DYNC2H1: variants seen among roughly 807,000 people sequenced by gnomAD.
DYNC2H1 encodes the protein cytoplasmic dynein 2 heavy chain 1.
In DYNC2H1, 410 loss-of-function variants were observed where a neutral mutation model predicts 570.0. The ratio of observed to expected loss-of-function variants is 0.72; its 90% CI spans 0.66 to 0.78. The LOEUF (loss-of-function observed/expected upper bound fraction) is 0.78, where lower values mean the gene tolerates loss of function less well. DYNC2H1 is among the 30% of genes least tolerant of loss of function. The pLI is 0.00. For synonymous variants in DYNC2H1, 1,688 were observed against 1,677.6 expected, an observed-to-expected ratio of 1.01 and a Z score of -0.15; for missense variants, 4,865 against 5,046.4, an observed-to-expected ratio of 0.96 and a Z score of 1.09.
At position 103,446,682 on chromosome 11, in the gene DYNC2H1, T is replaced by C. The variant is rs1345335457; in HGVS notation, c.12457-8504T>C. 6.6e-6 allele frequency among the ~76,000 whole-genome samples: 1 copy of C among 152,056 alleles called. No individual in the cohort carries two copies. Among genetic ancestry groups the C allele is most frequent in the Non-Finnish European group, 1.5e-5 (1 of 68,000 alleles). On this transcript the variant is annotated intron_variant, in intron 85 of 88. Transcript: ENST00000375735. This position sits in a 1 kb window ranked among gnomAD's most constrained non-coding sequence, Gnocchi z 4.5. The stretch of plus-strand genomic sequence containing the variant: ...GAATTTTTTTGGTTTGGTTTTGTTT[T>C]TTAATATAGGGGATTTTTGACCATA...
chr11:103,375,157 G>A (rs542634785), intron 83 of DYNC2H1, among the ~76,000 whole-genome samples: 2 of 152,348 alleles, frequency 1.3e-5, no homozygotes, highest in South Asian at 2.1e-4. Flanking sequence ...CAAGCCTCAA[G>A]CCTTGGCAAC....
At chr11:103,160,339 T>C (rs1850076069) in intron 28 of DYNC2H1, among the ~76,000 whole-genome samples, 1 of 152,244 alleles carries the variant, frequency 6.6e-6, no homozygotes, top group Admixed American at 6.5e-5. Flanking sequence ...GCATTTGGGT[T>C]ATTTCCAGTT....
At chr11:103,331,044 G>C (rs57098887) in intron 82 of DYNC2H1, among the ~76,000 whole-genome samples, 5,730 of 152,258 alleles carry the variant, frequency 0.038, 200 homozygotes, top group African/African-American at 0.091. Context: ...ACCTCTCAGA[G>C]ATGAAATTGC....
At chr11:103,431,807 G>A (rs1452670006) in intron 84 of DYNC2H1, among the ~76,000 whole-genome samples, 2 of 152,092 alleles carry the variant, frequency 1.3e-5, no homozygotes, top group African/African-American at 4.8e-5. Context: ...GGAGAGGTCA[G>A]GTGAATATGG....
intron 70 of DYNC2H1, among the ~76,000 whole-genome samples, chr11:103,260,849 C>A (rs1025203210): frequency 1.3e-5 from 2 of 151,764 alleles, no homozygotes; most frequent in African/African-American, 4.8e-5. Context: ...GAACTCCTGG[C>A]CTCATGTGAT....
chr11:103,214,737 C>G (rs1020275325), intron 54 of DYNC2H1, among the ~76,000 whole-genome samples: 9 of 151,886 alleles, frequency 5.9e-5, no homozygotes, highest in African/African-American at 2.2e-4. Context: ...GCCACTGCAC[C>G]CAGCCACAAC....
In DYNC2H1 at chr11:103,184,920, T is replaced by G; in HGVS notation, c.6502T>G (p.Leu2168Val). The G allele has an allele frequency of 1.2e-6, 2 of 1,610,780 alleles. No individual in the cohort carries two copies. Among genetic ancestry groups the G allele is most frequent in the Non-Finnish European group, 1.7e-6 (2 of 1,177,742 alleles). The change falls in exon 41 of 89, where the codon TTG (leucine) becomes GTG (valine). Residue 2168 changes from leucine (L) to valine (V), a missense_variant. Around this residue, in one of 5 missense-constraint regions of DYNC2H1, gnomAD observed 231 missense variants for 310.3 expected, o/e 0.74. Coordinates refer to ENST00000375735, the MANE Select transcript of DYNC2H1 (RefSeq NM_001377.3). ...KQNDYVVETS[L>V]VGTVMNGLSH... ...GAATGACTATGTGGTAGAAACAAGT[T>G]TGGTTGGGACTGTGATGAATGGTTT...
Position 103,133,697 on chromosome 11 carries a change from T to A in DYNC2H1, c.2096T>A (p.Phe699Tyr). Residue 699 changes from phenylalanine to tyrosine, a missense_variant, in exon 14 of 89, where the codon TTT (phenylalanine) becomes TAT (tyrosine). Phe to Tyr is a conservative substitution (Grantham distance 22). Transcript: ENST00000375735. The surrounding 1 kb of genome is among the most constrained non-coding windows in gnomAD (Gnocchi z 4.8). Reference protein sequence around the residue: ...NRKLRKWHTTFCEKVVVLMNI... With the variant: ...NRKLRKWHTTYCEKVVVLMNI... Reference sequence around the variant, plus strand: ...AAACTGAGAAAATGGCACACTACATTTTGTGAAAAGGTATATTTTGTTTAT... The same window carrying A: ...AAACTGAGAAAATGGCACACTACATATTGTGAAAAGGTATATTTTGTTTAT... The A allele has an allele frequency of 6.2e-7, 1 of 1,602,818 alleles. No homozygotes were observed. Among genetic ancestry groups the A allele is most frequent in the Non-Finnish European group, 8.5e-7 (1 of 1,174,236 alleles).
chr11:103,256,342 G>A lies in DYNC2H1; in HGVS notation c.10461+102G>A, dbSNP rs2135263529. ...CAGGTCCTCAGGGGAAAGATGATGT[G>A]AAAAGAAAAAAGCTATTCAAAAACA... On this transcript the variant is annotated intron_variant, in intron 68 of 88. Transcript: ENST00000375735. This position sits in a 1 kb window ranked among gnomAD's most constrained non-coding sequence, Gnocchi z 4.0. 8.3e-7 allele frequency: 1 copy of A among 1,202,414 alleles called. No homozygotes were observed. The highest frequency in any genetic ancestry group is 1.1e-6 in the Non-Finnish European group (1 of 874,634). The allele number at this position is 1,202,414 out of a possible 1,614,324, so 74.5% of individuals were successfully genotyped here. A position where few individuals can be genotyped will look rare whatever the true frequency, so the allele number is the denominator to read the frequency against.
Position 103,165,919 on chromosome 11 carries a change from A to G in DYNC2H1, c.4633A>G (p.Ile1545Val), listed in dbSNP as rs887731436. The change falls in exon 31 of 89, where the codon ATT becomes GTT. Residue 1545 changes from isoleucine (I) to valine (V), a missense_variant. By Grantham distance (29) the Ile-to-Val change is conservative (BLOSUM62 3). Around this residue, in one of 5 missense-constraint regions of DYNC2H1, gnomAD observed 1,936 missense variants for 1,962.1 expected, o/e 0.99. Coordinates refer to ENST00000375735, the MANE Select transcript of DYNC2H1 (RefSeq NM_001377.3). Reference sequence around the variant, plus strand: ...ATAGATTTTATGCTTGGCGGAGCAGATTAAATTCACTGAAGATGTAGAAAA... The same window carrying G: ...ATAGATTTTATGCTTGGCGGAGCAGGTTAAATTCACTGAAGATGTAGAAAA... Reference protein sequence around the residue: ...PSQILCLAEQIKFTEDVENAI... With the variant: ...PSQILCLAEQVKFTEDVENAI... 31 of 1,513,180 alleles carry G rather than the reference A, an allele frequency of 2.0e-5. No individual in the cohort carries two copies. Among genetic ancestry groups the G allele is most frequent in the Non-Finnish European group, 2.7e-5 (30 of 1,131,116 alleles). 93.7% of individuals were successfully genotyped at this position (1,513,180 alleles called of 1,614,324 possible).
At chr11:103,281,490 T>C (rs988340800) in intron 71 of DYNC2H1, among the ~76,000 whole-genome samples, 1 of 152,012 alleles carries the variant, frequency 6.6e-6, no homozygotes, top group African/African-American at 2.4e-5. Flanking sequence ...ATAATTGTAA[T>C]AGGAAGAGTG....
intron 47 of DYNC2H1, 29 bp downstream of exon 47, chr11:103,192,293 T>G (rs1454071140): frequency 7.0e-7 from 1 of 1,422,994 alleles, no homozygotes; most frequent in Non-Finnish European, 9.3e-7. Context: ...TGCAAATACA[T>G]AACTATTACA....
Position 103,135,786 on chromosome 11 carries a change from G to A in DYNC2H1, c.2412G>A (p.Lys804=). The change falls in exon 17 of 89, where the codon AAG becomes AAA. Residue 804 remains lysine, a synonymous_variant. Transcript: ENST00000375735. The part of the protein sequence containing the change: ...EIRAKYYREM[K]RFIGIPNQFK... ...GGGCTAAATATTATAGAGAAATGAA[G>A]AGATTCATCGGCATTCCAAATCAGT... The A allele has an allele frequency of 6.2e-7, 1 of 1,613,028 alleles. No individual in the cohort carries two copies. Among genetic ancestry groups the A allele is most frequent in the Middle Eastern group, 1.7e-4 (1 of 6,056 alleles).
At chr11:103,260,287 A>T (rs1014961617) in intron 70 of DYNC2H1, among the ~76,000 whole-genome samples, 2 of 152,218 alleles carry the variant, frequency 1.3e-5, no homozygotes, top group African/African-American at 4.8e-5. Flanking sequence ...TCTCATCCTC[A>T]GCAACTGACA....
intron 15 of DYNC2H1, among the ~76,000 whole-genome samples, chr11:103,134,987 G>A (rs1271726842): frequency 6.6e-6 from 1 of 151,946 alleles, no homozygotes; most frequent in African/African-American, 2.4e-5. Flanking sequence ...TCAAGAAAAG[G>A]CAAAAGTACT....
intron 83 of DYNC2H1, among the ~76,000 whole-genome samples, chr11:103,390,096 G>T (rs1376220807): frequency 2.6e-5 from 4 of 152,156 alleles, no homozygotes; most frequent in Non-Finnish European, 5.9e-5. Flanking sequence ...TGACAGTGGG[G>T]TGTTAAAGTC....
chr11:103,467,170 A>T (rs1034228758), intron 87 of DYNC2H1, among the ~76,000 whole-genome samples: 2 of 152,156 alleles, frequency 1.3e-5, no homozygotes, highest in Non-Finnish European at 2.9e-5. Flanking sequence ...ATACAGATAA[A>T]ACTAAATTCA....
chr11:103,203,579 G>A lies in DYNC2H1; in HGVS notation c.8198-84G>A. ...TTGTATATTTTTGGAAATAAAGATTGAATAAGAGCAGATTTTTAAATACAA... is the reference window on the plus strand; with the variant it reads ...TTGTATATTTTTGGAAATAAAGATTAAATAAGAGCAGATTTTTAAATACAA... On this transcript the variant is annotated intron_variant, in intron 50 of 88. Coordinates refer to ENST00000375735, the MANE Select transcript of DYNC2H1 (RefSeq NM_001377.3). The surrounding 1 kb of genome is among the most constrained non-coding windows in gnomAD (Gnocchi z 4.7). The A allele has an allele frequency of 6.0e-6, 5 of 834,704 alleles. No individual in the cohort carries two copies. Among genetic ancestry groups the A allele is most frequent in the Non-Finnish European group, 9.1e-6 (5 of 552,004 alleles). The allele number at this position is 834,704 out of a possible 1,614,324, so 51.7% of individuals were successfully genotyped here.
At position 103,321,165 on chromosome 11, in the gene DYNC2H1, T is replaced by C. The variant is rs1938167664; in HGVS notation, c.11862T>C (p.Asp3954=). The C allele has an allele frequency of 3.1e-6, 5 of 1,612,066 alleles. No individual in the cohort carries two copies. Among genetic ancestry groups the C allele is most frequent in the Admixed American group, 1.7e-5 (1 of 59,792 alleles). ...AGTTTTTTAATTCTTCAGTTATTGA[T>C]GTATTCAACCAAAGGAACAAGAAAA... ...LKQFFNSSVI[D]VFNQRNKKSI... is the part of the protein sequence containing the mutation. The change falls in exon 81 of 89, where the codon GAT becomes GAC. Residue 3954 remains aspartate, a synonymous_variant. Coordinates refer to ENST00000375735, the MANE Select transcript of DYNC2H1 (RefSeq NM_001377.3).
Sources: allele counts gnomAD v4.1 joint callset (sites outside exome capture counted in the v4.1 genomes callset), GRCh38; gene constraint gnomAD v4.1.1; regional missense constraint gnomAD v4.1.1; non-coding constraint Gnocchi (gnomAD v3.1); transcripts MANE v1.5; gene names NCBI Gene and HGNC (gene_info 2026-07-23, HGNC 2026-07-21).